Variants in PCDHA10 observed in about 807,000 individuals in gnomAD.
PCDHA10 encodes protocadherin alpha-10.
Under a neutral mutation model 61.2 loss-of-function variants are expected in PCDHA10, and 45 were observed. The ratio of observed to expected loss-of-function variants is 0.74; its 90% CI spans 0.58 to 0.94. PCDHA10 has a LOEUF of 0.94. Among genes scored for constraint, PCDHA10 ranks in the 40% least tolerant of loss-of-function variants. The pLI is 0.00. For missense variants in PCDHA10, 1,278 were observed against 1,236.2 expected, an observed-to-expected ratio of 1.03 and a Z score of -0.51; for synonymous variants, 602 against 548.8, an observed-to-expected ratio of 1.10 and a Z score of -1.35.
chr5:140,957,133 A>G (rs1308855631), intron 1 of PCDHA10, among the ~76,000 whole-genome samples: 4 of 152,222 alleles, frequency 2.6e-5, no homozygotes, highest in African/African-American at 9.6e-5. Context: ...TTACTACACT[A>G]TGAACTAAAA....
chr5:140,993,463 CACACACACACACACA>C (rs2097564014), intron 3 of PCDHA10, among the ~76,000 whole-genome samples: 3 of 7,580 alleles, frequency 4.0e-4, no homozygotes, highest in African/African-American at 2.0e-3. Context: ...CTTTCTTTCT[CACACACACACACACA>C]CACACACACA....
intron 1 of PCDHA10, among the ~76,000 whole-genome samples, chr5:140,923,225 AGCCCAGAAG>A (rs2081250184): frequency 4.2e-5 from 3 of 71,942 alleles, no homozygotes; most frequent in Admixed American, 3.0e-4. Flanking sequence ...GGATCGTTTG[AGCCCAGAAG>A]TTTGAGACCA....
intron 1 of PCDHA10, among the ~76,000 whole-genome samples, chr5:140,890,832 T>G (rs1554184561): frequency 6.6e-6 from 1 of 152,220 alleles, no homozygotes; most frequent in African/African-American, 2.4e-5. Context: ...ACTTACATAT[T>G]TACCAGTTTT....
chr5:140,869,247 C>A (rs1186478553), intron 1 of PCDHA10: 2 of 1,613,526 alleles, frequency 1.2e-6, no homozygotes, highest in Admixed American at 3.3e-5. Context: ...TGGGCCGCAT[C>A]GCGCAGGACC....
Position 140,856,572 on chromosome 5 carries a change from A to C in PCDHA10, c.524A>C (p.Glu175Ala), listed in dbSNP as rs782165615. Residue 175 changes from glutamate (E) to alanine (A), a missense_variant, in exon 1 of 4, where the codon GAG (glutamate) becomes GCG (alanine). Glu to Ala is a moderately radical substitution (Grantham distance 107). Transcript: ENST00000307360. ...ALLTYKLSPN[E>A]YFVLDIINKK... ...CTTACTTACAAACTCAGTCCAAATGAGTATTTTGTTCTTGATATTATAAAC... is the reference window on the plus strand; with the variant it reads ...CTTACTTACAAACTCAGTCCAAATGCGTATTTTGTTCTTGATATTATAAAC... 1 of 1,597,762 alleles carries C rather than the reference A, an allele frequency of 6.3e-7. No homozygotes were observed. The highest frequency in any genetic ancestry group is 2.2e-5 in the East Asian group (1 of 44,864).
chr5:141,004,531 C>A (rs1051693064), intron 3 of PCDHA10, among the ~76,000 whole-genome samples: 2 of 152,234 alleles, frequency 1.3e-5, no homozygotes, highest in Admixed American at 1.3e-4. Flanking sequence ...ATACACACAG[C>A]CATTAATGTC....
intron 3 of PCDHA10, among the ~76,000 whole-genome samples, chr5:140,987,781 A>G (rs2097267961): frequency 6.6e-6 from 1 of 152,208 alleles, no homozygotes; most frequent in East Asian, 1.9e-4. Context: ...AGAATCTGCT[A>G]TAGAGAAGAT....
At chr5:140,913,734 A>C (rs1408251545) in intron 1 of PCDHA10, among the ~76,000 whole-genome samples, 1 of 152,070 alleles carries the variant, frequency 6.6e-6, no homozygotes, top group African/African-American at 2.4e-5. Context: ...TCCCTCTAAT[A>C]GTACTCCTTT....
chr5:140,926,830 G>T (rs2083580756), intron 1 of PCDHA10: 2 of 1,503,958 alleles, frequency 1.3e-6, no homozygotes, highest in Non-Finnish European at 1.8e-6. Context: ...CAGGAGTCCG[G>T]AGCATGGTCC....
chr5:140,866,796 G>A (rs1360079320), intron 1 of PCDHA10: 5 of 152,128 alleles, frequency 3.3e-5, no homozygotes, highest in African/African-American at 1.2e-4. Context: ...TATAGTAAAA[G>A]TCAGGCACAA....
chr5:140,948,349 T>C (rs1262551459), intron 1 of PCDHA10, among the ~76,000 whole-genome samples: 2 of 151,624 alleles, frequency 1.3e-5, no homozygotes, highest in African/African-American at 4.8e-5. Context: ...ATTTCTAACC[T>C]AATAAAATGA....
At chr5:141,009,577 C>T in intron 3 of PCDHA10, 50 bp from the exon 4 acceptor site, 1 of 1,584,324 alleles carries the variant, frequency 6.3e-7, no homozygotes, top group South Asian at 1.2e-5. Flanking sequence ...AGTGTGGCAT[C>T]AAGAGCATGT....
intron 3 of PCDHA10, among the ~76,000 whole-genome samples, chr5:141,004,019 A>G (rs2098147783): frequency 6.6e-6 from 1 of 152,244 alleles, no homozygotes; most frequent in South Asian, 2.1e-4. Flanking sequence ...CACTGAAAGA[A>G]GAAACATTTC....
At chr5:140,909,598 T>A (rs934160611) in intron 1 of PCDHA10, among the ~76,000 whole-genome samples, 1 of 152,198 alleles carries the variant, frequency 6.6e-6, no homozygotes, top group Non-Finnish European at 1.5e-5. Flanking sequence ...ATTTACTATT[T>A]TTCTAGGTAG....
chr5:140,953,075 A>G (rs1208986278), intron 1 of PCDHA10, among the ~76,000 whole-genome samples: 4 of 152,190 alleles, frequency 2.6e-5, no homozygotes, highest in Admixed American at 2.6e-4. Context: ...CATCTCCAAC[A>G]TTGGGGATTA....
At chr5:140,979,894 C>G (rs1183667310) in intron 2 of PCDHA10, among the ~76,000 whole-genome samples, 2 of 152,206 alleles carry the variant, frequency 1.3e-5, no homozygotes, top group African/African-American at 4.8e-5. Context: ...ATTCACCAAA[C>G]TTAGATCAGT....
intron 1 of PCDHA10, among the ~76,000 whole-genome samples, chr5:140,935,894 CTTTTTTTT>C (rs55841305): frequency 1.5e-5 from 2 of 136,750 alleles, no homozygotes; most frequent in African/African-American, 5.4e-5. Context: ...TCAATATTAT[CTTTTTTTT>C]TTTTTTTTGA....
rs185233104 is a variant in PCDHA10, at chr5:140,979,751, C to T, written c.2447+744C>T. 6.6e-5 allele frequency among the ~76,000 whole-genome samples: 10 copies of T among 152,136 alleles called. No individual in the cohort carries two copies. The South Asian group carries it at 1.2e-3, about 19-fold the overall frequency. On this transcript the variant is annotated intron_variant, in intron 2 of 3. Coordinates refer to ENST00000307360, the MANE Select transcript of PCDHA10 (RefSeq NM_018901.4). ...GGCCAAATAAAAGATTCATTATTTG[C>T]GAATGTCTTTGGAAACCAAATGGGA...
At chr5:140,883,316 G>A in intron 1 of PCDHA10, 1 of 1,614,078 alleles carries the variant, frequency 6.2e-7, no homozygotes, top group East Asian at 2.2e-5. Context: ...CGCCCCAGAG[G>A]TTACCATCAC....
Sources: gnomAD v4.1 joint callset for allele counts (sites outside exome capture counted in the v4.1 genomes callset) on GRCh38, gnomAD v4.1.1 for gene constraint, MANE v1.5 for transcripts, NCBI Gene and HGNC (gene_info 2026-07-23, HGNC 2026-07-21) for gene names.